Variants in SCN4B observed in about 807,000 individuals in gnomAD.
SCN4B encodes sodium voltage-gated channel beta subunit 4, also known as sodium channel regulatory subunit beta-4.
SCN4B carries 20 observed loss-of-function variants against 19.6 expected under a neutral mutation model. The ratio of observed to expected loss-of-function variants is 1.02; its 90% CI spans 0.72 to 1.48. The LOEUF (loss-of-function observed/expected upper bound fraction) is 1.48. SCN4B is among the 40% of genes most tolerant of loss of function. The pLI is 0.00. For synonymous variants in SCN4B, 127 were observed against 122.8 expected (o/e 1.03, Z -0.22); for missense variants, 271 against 287.5 (o/e 0.94, Z 0.42).
At position 118,149,132 on chromosome 11, in the gene SCN4B, G is replaced by A. The variant is rs140784986; in HGVS notation, c.61+3481C>T. Reference sequence around the variant, plus strand: ...TTTTGTTAAAGTGGAAAAGTATTCAGCACATGCAAATCATATTATTAAATA... The same window carrying A: ...TTTTGTTAAAGTGGAAAAGTATTCAACACATGCAAATCATATTATTAAATA... On this transcript the variant is annotated intron_variant, in intron 1 of 4. Transcript: ENST00000324727. Among the ~76,000 whole-genome samples, 289 of 152,328 alleles carry A rather than the reference G, an allele frequency of 1.9e-3. 2 individuals are homozygous for A. Among genetic ancestry groups the A allele is most frequent in the African/African-American group, 6.6e-3 (276 of 41,558 alleles).
intron 4 of SCN4B, 65 bp downstream of exon 4, chr11:118,141,142 G>A: frequency 6.2e-7 from 1 of 1,601,806 alleles, no homozygotes; most frequent in Non-Finnish European, 8.5e-7. Context: ...GCTGAAAGCT[G>A]GTGGGGGTAG....
intron 1 of SCN4B, among the ~76,000 whole-genome samples, chr11:118,147,572 T>C (rs1161383787): frequency 6.6e-6 from 1 of 152,202 alleles, no homozygotes; most frequent in South Asian, 2.1e-4. Flanking sequence ...TGTTTACCTC[T>C]GCCCTCCTCC....
At chr11:118,137,625 C>A (rs1436318156) in intron 4 of SCN4B, among the ~76,000 whole-genome samples, 1 of 152,138 alleles carries the variant, frequency 6.6e-6, no homozygotes, top group Non-Finnish European at 1.5e-5. Context: ...GAGCTGAGAT[C>A]GTGCCACTGC....
Position 118,134,500 on chromosome 11 carries a change from C to G in SCN4B, c.*2527G>C, listed in dbSNP as rs1263975597. ...ACAGGATGATTCTTTGTTGTGGGGA[C>G]TAAGTTTAGCATTCTTAGTAGTGCC... is the stretch of plus-strand genomic sequence containing the variant. On this transcript the variant is annotated 3_prime_UTR_variant, in exon 5 of 5. Transcript: ENST00000324727. 2.2e-6 allele frequency: 1 copy of G among 454,044 alleles called. No homozygotes were observed. The highest frequency in any genetic ancestry group is 1.6e-5 in the South Asian group (1 of 64,470). 28.1% of individuals were successfully genotyped at this position (454,044 alleles called of 1,614,324 possible).
Position 118,133,693 on chromosome 11 carries a change from C to T in SCN4B, c.*3334G>A, listed in dbSNP as rs1241837224. 5 of 454,550 alleles carry T rather than the reference C, an allele frequency of 1.1e-5. No homozygotes were observed. Among genetic ancestry groups the T allele is most frequent in the South Asian group, 6.2e-5 (4 of 64,482 alleles). The allele number at this position is 454,550 out of a possible 1,614,324, so 28.2% of individuals were successfully genotyped here. A position where few individuals can be genotyped will look rare whatever the true frequency, so the allele number is the denominator to read the frequency against. On this transcript the variant is annotated 3_prime_UTR_variant, in exon 5 of 5. Coordinates refer to ENST00000324727, the MANE Select transcript of SCN4B (RefSeq NM_174934.4). The stretch of plus-strand genomic sequence containing the variant: ...GGTGGGAGGTGGGAGGGTAGGGACT[C>T]CAACCTGGGACAAAGTAAAGTAAAG...
chr11:118,142,144 A>G (rs145778370), intron 3 of SCN4B, among the ~76,000 whole-genome samples: 2,162 of 152,102 alleles, frequency 0.014, 50 homozygotes, highest in African/African-American at 0.048. Context: ...TCCTCCCTCT[A>G]TCATCTATTC....
At chr11:118,147,385 C>T (rs867187265) in intron 1 of SCN4B, among the ~76,000 whole-genome samples, 12 of 152,208 alleles carry the variant, frequency 7.9e-5, no homozygotes, top group East Asian at 7.7e-4. Context: ...TTTTTATTCC[C>T]AATAAACAAA....
intron 1 of SCN4B, among the ~76,000 whole-genome samples, chr11:118,146,930 T>C (rs1613495): frequency 0.63 from 95,602 of 152,084 alleles, 31,006 homozygotes; most frequent in African/African-American, 0.78. Context: ...AATTAGCCTT[T>C]ATTTTTGGCC....
chr11:118,144,412 A>G (rs1053031416), intron 2 of SCN4B, among the ~76,000 whole-genome samples: 1 of 152,152 alleles, frequency 6.6e-6, no homozygotes, highest in Non-Finnish European at 1.5e-5. Context: ...GCCTTTGCTG[A>G]CACCATGTCA....
rs1364399199 is a variant in SCN4B at position 118,148,860 on chromosome 11, T to A, written c.62-3631A>T. On this transcript the variant is annotated intron_variant, in intron 1 of 4. Transcript: ENST00000324727. The surrounding 1 kb of genome is among the most constrained non-coding windows in gnomAD (Gnocchi z 4.0). ...GCCTTGCTTTGCTGTTTTCTAAAGTTAATTCTAGAATGTTAAAGTGTACGT... is the reference window on the plus strand; with the variant it reads ...GCCTTGCTTTGCTGTTTTCTAAAGTAAATTCTAGAATGTTAAAGTGTACGT... Among the ~76,000 whole-genome samples, 3 of 152,202 alleles carry A rather than the reference T, an allele frequency of 2.0e-5. No individual in the cohort carries two copies. In the East Asian group the frequency reaches 5.8e-4, roughly 29 times the overall value.
chr11:118,149,830 G>A (rs1948218659), intron 1 of SCN4B, among the ~76,000 whole-genome samples: 2 of 152,154 alleles, frequency 1.3e-5, no homozygotes, highest in South Asian at 2.1e-4. Flanking sequence ...CCACCAGAAG[G>A]GGGCCAGTCA....
intron 1 of SCN4B, among the ~76,000 whole-genome samples, chr11:118,151,122 G>GCACACA (rs3837425): frequency 0.015 from 2,223 of 149,236 alleles, 19 homozygotes; most frequent in East Asian, 0.046. Context: ...TTACACACGT[G>GCACACA]CACACACACA....
chr11:118,146,206 T>C (rs1439948467), intron 1 of SCN4B, among the ~76,000 whole-genome samples: 3 of 151,866 alleles, frequency 2.0e-5, no homozygotes, highest in Non-Finnish European at 4.4e-5. Context: ...GCCCCAGCAC[T>C]CCGATGCGGC....
rs755937444 is a variant in SCN4B, at chr11:118,137,127, A to T, written c.594-7T>A. The T allele has an allele frequency of 1.3e-5, 21 of 1,604,536 alleles. No individual in the cohort carries two copies. Among genetic ancestry groups the T allele is most frequent in the Non-Finnish European group, 1.7e-5 (20 of 1,171,498 alleles). On this transcript the variant is annotated splice_region_variant and splice_polypyrimidine_tract_variant and intron_variant, in intron 4 of 4. Coordinates refer to ENST00000324727, the MANE Select transcript of SCN4B (RefSeq NM_174934.4). Reference sequence around the variant, plus strand: ...GCTCACGAGACACTCCTTCCTGGAGAGGGAGAGAGAAGGGACAGTGGTGAG... The same window carrying T: ...GCTCACGAGACACTCCTTCCTGGAGTGGGAGAGAGAAGGGACAGTGGTGAG...
Position 118,136,039 on chromosome 11 carries a change from G to C in SCN4B, c.*988C>G, listed in dbSNP as rs545793192. Reference sequence around the variant, plus strand: ...GCAGGGCGTGATGGAGGGCACGGTGGGGGGGGGGGAGCGAGCCAATGGGAG... The same window carrying C: ...GCAGGGCGTGATGGAGGGCACGGTGCGGGGGGGGGAGCGAGCCAATGGGAG... On this transcript the variant is annotated 3_prime_UTR_variant, in exon 5 of 5. Transcript: ENST00000324727. 111 of 173,372 alleles carry C rather than the reference G, an allele frequency of 6.4e-4. 1 individual carries two copies. The highest frequency in any genetic ancestry group is 2.1e-3 in the South Asian group (79 of 37,164). 10.7% of individuals were successfully genotyped at this position (173,372 alleles called of 1,614,324 possible). A position where few individuals can be genotyped will look rare whatever the true frequency, so the allele number is the denominator to read the frequency against.
rs1947947092 is a variant in SCN4B, at chr11:118,133,554, CTGT to C, written c.*3470_*3472del. ...TCGCACACCTGAGGCCTCCCAAGGC[CTGT>C]TGTTGCATCATTTGATCTATAGTTA... On this transcript the variant is annotated 3_prime_UTR_variant, in exon 5 of 5. Coordinates refer to ENST00000324727, the MANE Select transcript of SCN4B (RefSeq NM_174934.4). 1 of 454,324 alleles carries C rather than the reference CTGT, an allele frequency of 2.2e-6. No homozygotes were observed. The highest frequency in any genetic ancestry group is 2.3e-5 in the Admixed American group (1 of 42,560). 28.1% of individuals were successfully genotyped at this position (454,324 alleles called of 1,614,324 possible). A position where few individuals can be genotyped will look rare whatever the true frequency, so the allele number is the denominator to read the frequency against.
In SCN4B at chr11:118,134,355, G is replaced by A. The variant is rs1003614312; in HGVS notation, c.*2672C>T. 28 of 453,946 alleles carry A rather than the reference G, an allele frequency of 6.2e-5. No homozygotes were observed. Among genetic ancestry groups the A allele is most frequent in the African/African-American group, 5.4e-4 (27 of 50,002 alleles). The allele number at this position is 453,946 out of a possible 1,614,324, so 28.1% of individuals were successfully genotyped here. Reference sequence around the variant, plus strand: ...GGCTCTCTCTAGCCCACAAGCCCTGGAAGCCACCATCAGAGATTTGCATGC... The same window carrying A: ...GGCTCTCTCTAGCCCACAAGCCCTGAAAGCCACCATCAGAGATTTGCATGC... On this transcript the variant is annotated 3_prime_UTR_variant, in exon 5 of 5. Transcript: ENST00000324727.
At chr11:118,137,146 T>C (rs1390398066) in intron 4 of SCN4B, 26 bp from the exon 5 acceptor site, 8 of 1,542,604 alleles carry the variant, frequency 5.2e-6, no homozygotes, top group Middle Eastern at 3.4e-4. Context: ...GAAGGGACAG[T>C]GGTGAGGAGA....
intron 1 of SCN4B, among the ~76,000 whole-genome samples, chr11:118,147,333 C>T (rs923593832): frequency 6.6e-6 from 1 of 152,148 alleles, no homozygotes; most frequent in African/African-American, 2.4e-5. Flanking sequence ...ATTTTATATA[C>T]ACTGTCTCAT....
Sources: gnomAD v4.1 joint callset for allele counts (sites outside exome capture counted in the v4.1 genomes callset) on GRCh38, gnomAD v4.1.1 for gene constraint, Gnocchi (gnomAD v3.1) non-coding constraint, MANE v1.5 for transcripts, NCBI Gene and HGNC (gene_info 2026-07-23, HGNC 2026-07-21) for gene names.